PDE6A: variants seen among roughly 807,000 people sequenced by gnomAD.
PDE6A encodes the protein phosphodiesterase 6A.
In PDE6A, 84 loss-of-function variants were observed where a neutral mutation model predicts 106.3. That is an observed-to-expected ratio of 0.79 (90% confidence interval 0.66 to 0.95). PDE6A has a LOEUF of 0.95. Among genes scored for constraint, PDE6A ranks in the 40% least tolerant of loss-of-function variants. The pLI, the probability that PDE6A is intolerant of heterozygous loss-of-function variation, is 0.00. For missense variants in PDE6A, 1,052 were observed against 1,084.9 expected (o/e 0.97, Z 0.43); for synonymous variants, 394 against 386.6 (o/e 1.02, Z -0.23).
chr5:149,914,410 A>ATG (rs1389003637), intron 6 of PDE6A, among the ~76,000 whole-genome samples: 1 of 152,128 alleles, frequency 6.6e-6, no homozygotes, highest in Non-Finnish European at 1.5e-5. Context: ...ATGTTTTGAG[A>ATG]TGTGTTAAAA....
chr5:149,903,543 T>A (rs183908485), intron 8 of PDE6A, 105 bp downstream of exon 8: 1 of 871,558 alleles, frequency 1.1e-6, no homozygotes, highest in East Asian at 2.4e-5. Flanking sequence ...TTTCACTTTG[T>A]TGAGGCTGCT....
chr5:149,903,534 T>G, intron 8 of PDE6A, 114 bp downstream of exon 8: 1 of 825,314 alleles, frequency 1.2e-6, no homozygotes, highest in East Asian at 2.4e-5. Context: ...CTGTCATATT[T>G]TCACTTTGTT....
intron 3 of PDE6A, 33 bp downstream of exon 3, chr5:149,933,897 G>A (rs956296243): frequency 6.6e-7 from 1 of 1,515,764 alleles, no homozygotes; most frequent in Non-Finnish European, 9.1e-7. Context: ...GAAAGGACGA[G>A]TCAAGTCCAT....
intron 1 of PDE6A, among the ~76,000 whole-genome samples, chr5:149,936,999 G>A (rs1754203877): frequency 6.6e-6 from 1 of 152,148 alleles, no homozygotes; most frequent in Non-Finnish European, 1.5e-5. Flanking sequence ...AGACAAAAAA[G>A]CAAGTAAACA....
intron 13 of PDE6A, among the ~76,000 whole-genome samples, chr5:149,889,660 C>CT (rs925282370): frequency 1.3e-5 from 2 of 152,014 alleles, no homozygotes; most frequent in African/African-American, 4.8e-5. Flanking sequence ...AATCCCAGCA[C>CT]TCTGGGAGGC....
chr5:149,943,289 C>T (rs1275539987), intron 1 of PDE6A, among the ~76,000 whole-genome samples: 2 of 152,214 alleles, frequency 1.3e-5, no homozygotes, highest in African/African-American at 4.8e-5. Context: ...ATCCATTAAA[C>T]CTTGAGTCAA....
intron 16 of PDE6A, 135 bp from the exon 17 acceptor site, chr5:149,883,671 C>A: frequency 1.4e-6 from 1 of 715,558 alleles, no homozygotes; most frequent in Non-Finnish European, 2.5e-6. Context: ...AGAGCCAAGG[C>A]CCAGGAGTGA....
chr5:149,867,419 A>G, intron 19 of PDE6A: 1 of 489,158 alleles, frequency 2.0e-6, no homozygotes, highest in Non-Finnish European at 3.7e-6. Flanking sequence ...TCTAGGGTTG[A>G]GTGAGCTAAG....
chr5:149,861,629 A>G (rs1760146680), intron 21 of PDE6A, among the ~76,000 whole-genome samples: 1 of 152,158 alleles, frequency 6.6e-6, no homozygotes. Flanking sequence ...CAGCCTGGGC[A>G]ACAAAGCAAG....
intron 14 of PDE6A, among the ~76,000 whole-genome samples, chr5:149,885,541 C>T (rs939076824): frequency 2.6e-5 from 4 of 152,114 alleles, no homozygotes; most frequent in African/African-American, 9.7e-5. Flanking sequence ...ACCTTTTTTG[C>T]CTGGCATAGA....
At chr5:149,907,158 C>A (rs74891648) in intron 7 of PDE6A, among the ~76,000 whole-genome samples, 154 bp downstream of exon 7, 1 of 152,216 alleles carries the variant, frequency 6.6e-6, no homozygotes, top group East Asian at 1.9e-4. Flanking sequence ...TTCATTTAGA[C>A]CAGTTGCCAA....
chr5:149,944,314 G>A lies in PDE6A; in HGVS notation c.360C>T (p.Val120=). The change falls in exon 1 of 22, where the codon GTC becomes GTT. Residue 120 remains valine, a synonymous_variant. Coordinates refer to ENST00000255266, the MANE Select transcript of PDE6A (RefSeq NM_000440.3). ...CGGGCATCACCAGGCAGTCCTCGAG[G>A]ACAGCATCCTTGTGGACATTGAAAA... is the stretch of plus-strand genomic sequence containing the variant. ...TRLFNVHKDA[V]LEDCLVMPDQ... 6.2e-7 allele frequency: 1 copy of A among 1,614,092 alleles called. No homozygotes were observed. Among genetic ancestry groups the A allele is most frequent in the Non-Finnish European group, 8.5e-7 (1 of 1,180,008 alleles).
chr5:149,929,905 C>T (rs1753981529), intron 4 of PDE6A, among the ~76,000 whole-genome samples: 2 of 152,114 alleles, frequency 1.3e-5, no homozygotes, highest in African/African-American at 4.8e-5. Flanking sequence ...TTTTCTGTGT[C>T]TACGTTGTCC....
At chr5:149,869,464 C>A (rs1483182160) in intron 17 of PDE6A, among the ~76,000 whole-genome samples, 1 of 151,784 alleles carries the variant, frequency 6.6e-6, no homozygotes, top group Non-Finnish European at 1.5e-5. Context: ...GTGGGTACAA[C>A]AGAAAATAGA....
At chr5:149,915,168 G>A (rs1753513394) in intron 5 of PDE6A, among the ~76,000 whole-genome samples, 161 bp from the exon 6 acceptor site, 1 of 151,094 alleles carries the variant, frequency 6.6e-6, no homozygotes, top group African/African-American at 2.4e-5. Flanking sequence ...CCGAGTAAAT[G>A]GGACTACAGG....
chr5:149,882,977 G>A (rs143176309), intron 17 of PDE6A, among the ~76,000 whole-genome samples: 9,765 of 152,214 alleles, frequency 0.064, 375 homozygotes, highest in South Asian at 0.18. Context: ...AGAATTGCTT[G>A]AACCTGGGAG....
At chr5:149,932,114 T>G in intron 3 of PDE6A, 1 of 1,274,354 alleles carries the variant, frequency 7.8e-7, no homozygotes. Flanking sequence ...CGTCCGGAAG[T>G]TGTAGACGTC....
rs774229515 is a variant in PDE6A, at chr5:149,863,163, T to TTA, written c.2461_2462insTA (p.Lys821IlefsTer72). On this transcript the variant is annotated frameshift_variant, in exon 21 of 22. Transcript: ENST00000255266. LOFTEE classifies it low-confidence loss of function (END_TRUNC). This position sits in a 1 kb window ranked among gnomAD's most constrained non-coding sequence, Gnocchi z 4.7. ...TTTCTGCTTCTTCTCCTCCTGCACC[T>TTA]TCATCTTGGCATCGTACTCATCAGC... The TTA allele has an allele frequency of 6.2e-7, 1 of 1,614,232 alleles. No homozygotes were observed. The highest frequency in any genetic ancestry group is 8.5e-7 in the Non-Finnish European group (1 of 1,180,054).
intron 7 of PDE6A, among the ~76,000 whole-genome samples, chr5:149,905,837 C>G (rs1453912838): frequency 6.6e-6 from 1 of 152,116 alleles, no homozygotes; most frequent in Non-Finnish European, 1.5e-5. Flanking sequence ...CAGGAAGCTG[C>G]TAGAGTTATC....
Sources: gnomAD v4.1 joint callset for allele counts (sites outside exome capture counted in the v4.1 genomes callset) on GRCh38, gnomAD v4.1.1 for gene constraint, Gnocchi (gnomAD v3.1) non-coding constraint, MANE v1.5 for transcripts, NCBI Gene and HGNC (gene_info 2026-07-23, HGNC 2026-07-21) for gene names.